Variants in USP19 observed in about 807,000 individuals in gnomAD.
USP19 encodes the protein ubiquitin specific peptidase 19, also known as ubiquitin carboxyl-terminal hydrolase 19.
USP19 carries 40 observed loss-of-function variants against 144.8 expected under a neutral mutation model. The ratio of observed to expected loss-of-function variants is 0.28; its 90% CI spans 0.21 to 0.36. The LOEUF (loss-of-function observed/expected upper bound fraction) is 0.36. USP19 is among the 10% of genes least tolerant of loss of function. USP19 has a pLI of 1.00. For synonymous variants in USP19, 701 were observed against 709.3 expected (o/e 0.99, Z 0.19); for missense variants, 1,518 against 1,822.5 (o/e 0.83, Z 3.04).
chr3:49,115,273 C>A lies in USP19; in HGVS notation c.1977G>T (p.Ala659=). Residue 659 remains alanine (A), a synonymous_variant, in exon 13 of 27, where the codon GCG becomes GCT. Transcript: ENST00000417901. This position sits in a 1 kb window ranked among gnomAD's most constrained non-coding sequence, Gnocchi z 6.6. ...LAIGFAVLLR[A]LWKGTHHAFQ... ...AGGCATGGTGGGTGCCCTTCCACAG[C>A]GCCCGAAGCAGCACGGCAAAGCCAA... 1 of 1,614,084 alleles carries A rather than the reference C, an allele frequency of 6.2e-7. No individual in the cohort carries two copies. Among genetic ancestry groups the A allele is most frequent in the Non-Finnish European group, 8.5e-7 (1 of 1,180,016 alleles).
In USP19 at chr3:49,116,394, G is replaced by A. The variant is rs2044133503; in HGVS notation, c.1284-43C>T. 1 of 1,614,032 alleles carries A rather than the reference G, an allele frequency of 6.2e-7. No individual in the cohort carries two copies. The highest frequency in any genetic ancestry group is 1.7e-5 in the Admixed American group (1 of 60,026). On this transcript the variant is annotated intron_variant, in intron 8 of 26. Transcript: ENST00000417901. This position sits in a 1 kb window ranked among gnomAD's most constrained non-coding sequence, Gnocchi z 5.0. ...GATAGGAGGAAGGACAAGAGGAAGA[G>A]CATGAGACATACTGTCCCACCTGAG...
At chr3:49,120,011 A>G (rs1037583181) in intron 1 of USP19, among the ~76,000 whole-genome samples, 1 of 152,190 alleles carries the variant, frequency 6.6e-6, no homozygotes, top group African/African-American at 2.4e-5. Flanking sequence ...TGGAACAGAA[A>G]TTATCACCTT....
At position 49,114,980 on chromosome 3, in the gene USP19, A is replaced by C. The variant is rs373060996; in HGVS notation, c.2160T>G (p.Asp720Glu). ...TGACCTCATCGGGCCGCCCATCTGA[A>C]TCCACGGTCTCTGTGTAGGGCTTGT... is the stretch of plus-strand genomic sequence containing the variant. Reference protein sequence around the residue: ...IQNKPYTETVDSDGRPDEVVA... With the variant: ...IQNKPYTETVESDGRPDEVVA... Residue 720 changes from aspartate to glutamate, a missense_variant, in exon 14 of 27, where the codon GAT (aspartate) becomes GAG (glutamate). This residue lies in a region of USP19 where 158 missense variants were observed against 277.3 expected (regional missense o/e 0.57). Coordinates refer to ENST00000417901, the MANE Select transcript of USP19 (RefSeq NM_001199161.2). The surrounding 1 kb of genome is among the most constrained non-coding windows in gnomAD (Gnocchi z 4.5). The C allele has an allele frequency of 1.2e-6, 2 of 1,613,966 alleles. No homozygotes were observed. Among genetic ancestry groups the C allele is most frequent in the Non-Finnish European group, 1.7e-6 (2 of 1,180,020 alleles).
rs1222659816 is a variant in USP19 at position 49,115,140 on chromosome 3, G to A, written c.2023-23C>T. The stretch of plus-strand genomic sequence containing the variant: ...GGCCTGGATACAGGAGCCAAGGTGT[G>A]AACATGAAGCCCTAGCACCCACTGC... On this transcript the variant is annotated intron_variant, in intron 13 of 26. Transcript: ENST00000417901. The surrounding 1 kb of genome is among the most constrained non-coding windows in gnomAD (Gnocchi z 6.6). 14 of 1,612,912 alleles carry A rather than the reference G, an allele frequency of 8.7e-6. No individual in the cohort carries two copies. In the Admixed American group the frequency reaches 2.3e-4, roughly 27 times the overall value.
chr3:49,117,213 C>T lies in USP19; in HGVS notation c.755G>A (p.Gly252Asp), dbSNP rs1384745197. 1.1e-5 allele frequency: 17 copies of T among 1,548,412 alleles called. No individual in the cohort carries two copies. The highest frequency in any genetic ancestry group is 2.4e-5 in the East Asian group (1 of 40,942). ...GGGGCCAGCCCCTGCGCCTACCTCACCACGGCCCTGGGCCCGCTTCTGGTT... is the reference window on the plus strand; with the variant it reads ...GGGGCCAGCCCCTGCGCCTACCTCATCACGGCCCTGGGCCCGCTTCTGGTT... ...ARNQKRAQGR[G>D]EVGAGAGPGA... is the part of the protein sequence containing the mutation. Residue 252 changes from glycine to aspartate, a missense_variant, in exon 6 of 27, where the codon GGT becomes GAT. Physicochemically the swap from Gly to Asp is moderately conservative, Grantham distance 94 (BLOSUM62 -1). Transcript: ENST00000417901. This position sits in a 1 kb window ranked among gnomAD's most constrained non-coding sequence, Gnocchi z 4.4.
In USP19 at chr3:49,115,584, C is replaced by T; in HGVS notation, c.1748G>A (p.Ser583Asn). 6.2e-7 allele frequency: 1 copy of T among 1,612,210 alleles called. No homozygotes were observed. The highest frequency in any genetic ancestry group is 8.5e-7 in the Non-Finnish European group (1 of 1,179,040). ...CTCTTCCTCTTCCTCCTCCTCCACG[C>T]TGTCTCCACTAACTGGGCTGTGGGG... ...PMPHSPVSGD[S>N]VEEEEEEEKK... Residue 583 changes from serine to asparagine, a missense_variant, in exon 12 of 27, where the codon AGC becomes AAC. Ser to Asn is a conservative substitution (Grantham distance 46). Coordinates refer to ENST00000417901, the MANE Select transcript of USP19 (RefSeq NM_001199161.2). This position sits in a 1 kb window ranked among gnomAD's most constrained non-coding sequence, Gnocchi z 6.6.
chr3:49,118,484 GC>G lies in USP19; in HGVS notation c.125-365del, dbSNP rs747279168. On this transcript the variant is annotated intron_variant, in intron 2 of 26. Transcript: ENST00000417901. Reference sequence around the variant, plus strand: ...TTGGGAGGCTGAGGCTACTTGGGAGGCTGAGGCAGCAGAATCACTTGAACCC... The same window carrying G: ...TTGGGAGGCTGAGGCTACTTGGGAGGTGAGGCAGCAGAATCACTTGAACCC... Among the ~76,000 whole-genome samples, 18 of 151,656 alleles carry G rather than the reference GC, an allele frequency of 1.2e-4. No individual in the cohort carries two copies. In the East Asian group the frequency reaches 2.5e-3, roughly 21 times the overall value.
chr3:49,117,982 G>A lies in USP19; in HGVS notation c.263C>T (p.Ser88Leu). Residue 88 changes from serine (S) to leucine (L), a missense_variant, in exon 3 of 27, where the codon TCA (serine) becomes TTA (leucine). Physicochemically the swap from Ser to Leu is moderately radical, Grantham distance 145. Coordinates refer to ENST00000417901, the MANE Select transcript of USP19 (RefSeq NM_001199161.2). The surrounding 1 kb of genome is among the most constrained non-coding windows in gnomAD (Gnocchi z 4.4). ...TRLFFPSSSG[S>L]ASTPQEEQTK... ...CTGCTCCTCTTGAGGAGTGGATGCT[G>A]ACCCTGACGATGAAGGAAAGAACAG... 6.2e-7 allele frequency: 1 copy of A among 1,609,968 alleles called. No individual in the cohort carries two copies. Among genetic ancestry groups the A allele is most frequent in the Non-Finnish European group, 8.5e-7 (1 of 1,179,056 alleles).
chr3:49,119,033 T>C lies in USP19; in HGVS notation c.113A>G (p.Asp38Gly), dbSNP rs749440663. The stretch of plus-strand genomic sequence containing the variant: ...AATGCCACTCCCACCTTTCCTAGGA[T>C]CTCCATCCTTGCTCTCCTGGTTTGC... ...DRANQESKDG[D>G]PRKETGSRYV... Residue 38 changes from aspartate to glycine, a missense_variant, in exon 2 of 27, where the codon GAT becomes GGT. Physicochemically the swap from Asp to Gly is moderately conservative, Grantham distance 94. Around this residue, in one of 5 missense-constraint regions of USP19, gnomAD observed 707 missense variants for 728.9 expected, o/e 0.97. Coordinates refer to ENST00000417901, the MANE Select transcript of USP19 (RefSeq NM_001199161.2). 20 of 1,613,994 alleles carry C rather than the reference T, an allele frequency of 1.2e-5. No homozygotes were observed. The Admixed American group carries it at 3.2e-4, about 26-fold the overall frequency.
rs1464404941 is a variant in USP19 at position 49,112,303 on chromosome 3, G to A, written c.2746C>T (p.Arg916Cys). ...CCTCACTGGTTGCAGTAGCCCACACGGTAGCACCGGGTACAGCGCTTCAGC... is the reference window on the plus strand; with the variant it reads ...CCTCACTGGTTGCAGTAGCCCACACAGTAGCACCGGGTACAGCGCTTCAGC... ...EKLKRCTRCY[R>C]VGYCNQLCQK... The change falls in exon 19 of 27, where the codon CGT (arginine) becomes TGT (cysteine). Residue 916 changes from arginine to cysteine, a missense_variant. This residue lies in a region of USP19 where 413 missense variants were observed against 515.8 expected (regional missense o/e 0.80). Transcript: ENST00000417901. This position sits in a 1 kb window ranked among gnomAD's most constrained non-coding sequence, Gnocchi z 4.9. 6.2e-7 allele frequency: 1 copy of A among 1,611,754 alleles called. No individual in the cohort carries two copies. Among genetic ancestry groups the A allele is most frequent in the Non-Finnish European group, 8.5e-7 (1 of 1,179,028 alleles).
At position 49,116,932 on chromosome 3, in the gene USP19, A is replaced by G; in HGVS notation, c.921T>C (p.Asp307=). 8 of 1,613,708 alleles carry G rather than the reference A, an allele frequency of 5.0e-6. No homozygotes were observed. Among genetic ancestry groups the G allele is most frequent in the Non-Finnish European group, 6.8e-6 (8 of 1,179,936 alleles). ...TCAGCGGTGGTATGCAAAGCTGTTC[A>G]TCAGCCTCAACCTATTAATGGCAAG... is the stretch of plus-strand genomic sequence containing the variant. ...VADPATQVEA[D]EQLCIPPLNS... The change falls in exon 7 of 27, where the codon GAT becomes GAC. Residue 307 remains aspartate (D), a synonymous_variant. Coordinates refer to ENST00000417901, the MANE Select transcript of USP19 (RefSeq NM_001199161.2). This position sits in a 1 kb window ranked among gnomAD's most constrained non-coding sequence, Gnocchi z 5.0.
In USP19 at chr3:49,119,006, G is replaced by GGAATGC; in HGVS notation, c.124+10_124+15dup. The GGAATGC allele has an allele frequency of 1.2e-6, 2 of 1,613,742 alleles. No individual in the cohort carries two copies. Among genetic ancestry groups the GGAATGC allele is most frequent in the Non-Finnish European group, 1.7e-6 (2 of 1,179,814 alleles). Reference sequence around the variant, plus strand: ...GGCAGAGAAGGCCACAATTACTCTGGGAATGCCACTCCCACCTTTCCTAGG... The same window carrying GGAATGC: ...GGCAGAGAAGGCCACAATTACTCTGGGAATGCGAATGCCACTCCCACCTTTCCTAGG... On this transcript the variant is annotated intron_variant, in intron 2 of 26. Coordinates refer to ENST00000417901, the MANE Select transcript of USP19 (RefSeq NM_001199161.2).
rs757420371 is a variant in USP19 at position 49,108,954 on chromosome 3, G to A, written c.4039-426C>T. 5 of 1,606,132 alleles carry A rather than the reference G, an allele frequency of 3.1e-6. No individual in the cohort carries two copies. Among genetic ancestry groups the A allele is most frequent in the Non-Finnish European group, 4.3e-6 (5 of 1,175,676 alleles). On this transcript the variant is annotated intron_variant, in intron 26 of 26. Transcript: ENST00000417901. This position sits in a 1 kb window ranked among gnomAD's most constrained non-coding sequence, Gnocchi z 4.8. ...CAGCTCACAGCAGCTGCCTGCAGGCGAGCTCATCTCCAGCGACTCTGGGAT... is the reference window on the plus strand; with the variant it reads ...CAGCTCACAGCAGCTGCCTGCAGGCAAGCTCATCTCCAGCGACTCTGGGAT...
rs766868588 is a variant in USP19, at chr3:49,111,508, C to T, written c.3209G>A (p.Arg1070Gln). Residue 1070 changes from arginine (R) to glutamine (Q), a missense_variant, in exon 21 of 27, where the codon CGA becomes CAA. Physicochemically the swap from Arg to Gln is conservative, Grantham distance 43. Around this residue, in one of 5 missense-constraint regions of USP19, gnomAD observed 413 missense variants for 515.8 expected, o/e 0.80. Coordinates refer to ENST00000417901, the MANE Select transcript of USP19 (RefSeq NM_001199161.2). This position sits in a 1 kb window ranked among gnomAD's most constrained non-coding sequence, Gnocchi z 5.9. The stretch of plus-strand genomic sequence containing the variant: ...CTTTCACTGGATCTTACCTTCGGGT[C>T]GGGACACCCTCTCGCCAGCTGGCAA... ...GSLPAGERVS[R>Q]PEAAVPGYQH... The T allele has an allele frequency of 8.7e-6, 14 of 1,611,288 alleles. No homozygotes were observed. The highest frequency in any genetic ancestry group is 1.7e-5 in the Admixed American group (1 of 59,996).
chr3:49,116,936 G>T lies in USP19; in HGVS notation c.917C>A (p.Ala306Asp). The T allele has an allele frequency of 6.2e-7, 1 of 1,613,616 alleles. No homozygotes were observed. Among genetic ancestry groups the T allele is most frequent in the Non-Finnish European group, 8.5e-7 (1 of 1,179,848 alleles). Residue 306 changes from alanine (A) to aspartate (D), a missense_variant, in exon 7 of 27, where the codon GCT (alanine) becomes GAT (aspartate). By Grantham distance (126) the Ala-to-Asp change is moderately radical. Around this residue, in one of 5 missense-constraint regions of USP19, gnomAD observed 707 missense variants for 728.9 expected, o/e 0.97. Coordinates refer to ENST00000417901, the MANE Select transcript of USP19 (RefSeq NM_001199161.2). This position sits in a 1 kb window ranked among gnomAD's most constrained non-coding sequence, Gnocchi z 5.0. ...FVADPATQVE[A>D]DEQLCIPPLN... ...CGGTGGTATGCAAAGCTGTTCATCAGCCTCAACCTATTAATGGCAAGATTG... is the reference window on the plus strand; with the variant it reads ...CGGTGGTATGCAAAGCTGTTCATCATCCTCAACCTATTAATGGCAAGATTG...
In USP19 at chr3:49,110,649, C is replaced by A; in HGVS notation, c.3699-45G>T. 1 of 1,611,148 alleles carries A rather than the reference C, an allele frequency of 6.2e-7. No homozygotes were observed. Among genetic ancestry groups the A allele is most frequent in the Non-Finnish European group, 8.5e-7 (1 of 1,178,228 alleles). ...AGGGAGGGGTGAGACAGGCAACAGG[C>A]GCTCAGGATGCCCATCCTGGTCCTC... On this transcript the variant is annotated intron_variant, in intron 24 of 26. Transcript: ENST00000417901. This position sits in a 1 kb window ranked among gnomAD's most constrained non-coding sequence, Gnocchi z 6.1.
rs534918154 is a variant in USP19 at position 49,118,988 on chromosome 3, A to C, written c.124+34T>G. On this transcript the variant is annotated intron_variant, in intron 2 of 26. Coordinates refer to ENST00000417901, the MANE Select transcript of USP19 (RefSeq NM_001199161.2). ...TATACCAATAAGATGGGAGGCAGAG[A>C]AGGCCACAATTACTCTGGGAATGCC... The C allele has an allele frequency of 4.2e-5, 67 of 1,613,442 alleles. No individual in the cohort carries two copies. In the South Asian group the frequency reaches 5.8e-4, roughly 14 times the overall value.
Position 49,114,328 on chromosome 3 carries a change from G to T in USP19, c.2293-44C>A. On this transcript the variant is annotated intron_variant, in intron 15 of 26. Coordinates refer to ENST00000417901, the MANE Select transcript of USP19 (RefSeq NM_001199161.2). This position sits in a 1 kb window ranked among gnomAD's most constrained non-coding sequence, Gnocchi z 4.5. The stretch of plus-strand genomic sequence containing the variant: ...CACTGGGTAGCTGCACACAGAGTGG[G>T]AGATAAGATGCTCATGCTCAGAGAG... The T allele has an allele frequency of 3.8e-6, 6 of 1,578,738 alleles. No homozygotes were observed. The highest frequency in any genetic ancestry group is 5.2e-6 in the Non-Finnish European group (6 of 1,150,096).
chr3:49,117,381 C>G lies in USP19; in HGVS notation c.607-20G>C. On this transcript the variant is annotated intron_variant, in intron 5 of 26. Coordinates refer to ENST00000417901, the MANE Select transcript of USP19 (RefSeq NM_001199161.2). This position sits in a 1 kb window ranked among gnomAD's most constrained non-coding sequence, Gnocchi z 4.4. ...TTTCTTCTGCCAAAGATACAGCAGT[C>G]AGGCCCTGTCGACTACACTGGTATC... The G allele has an allele frequency of 6.2e-7, 1 of 1,605,492 alleles. No individual in the cohort carries two copies. The highest frequency in any genetic ancestry group is 2.2e-5 in the East Asian group (1 of 44,670).
Sources: allele counts gnomAD v4.1 joint callset (sites outside exome capture counted in the v4.1 genomes callset), GRCh38; gene constraint gnomAD v4.1.1; regional missense constraint gnomAD v4.1.1; non-coding constraint Gnocchi (gnomAD v3.1); transcripts MANE v1.5; gene names NCBI Gene and HGNC (gene_info 2026-07-23, HGNC 2026-07-21).